Variants in TEAD1 observed in about 807,000 individuals in gnomAD.
TEAD1 encodes TEA domain transcription factor 1.
A neutral mutation model predicts 54.9 loss-of-function variants in TEAD1; 9 were observed. The ratio of observed to expected loss-of-function variants is 0.16; its 90% CI spans 0.10 to 0.29. The LOEUF (loss-of-function observed/expected upper bound fraction) is 0.29. Among genes scored for constraint, TEAD1 ranks in the 10% least tolerant of loss-of-function variants. TEAD1 has a pLI of 1.00. For missense variants in TEAD1, 387 were observed against 535.9 expected, an observed-to-expected ratio of 0.72 and a Z score of 2.74; for synonymous variants, 200 against 187.8, an observed-to-expected ratio of 1.07 and a Z score of -0.53.
At chr11:12,719,949 GTTTTTTTTTTTTTT>G (rs1200965763) in intron 2 of TEAD1, among the ~76,000 whole-genome samples, 2 of 40,010 alleles carry the variant, frequency 5.0e-5, no homozygotes, top group Admixed American at 4.5e-4. Context: ...GAAATCTAAT[GTTTTTTTTTTTTTT>G]TTTTTTTTTT....
At position 12,702,749 on chromosome 11, in the gene TEAD1, G is replaced by T. The variant is rs146117010; in HGVS notation, c.-55+27188G>T. Among the ~76,000 whole-genome samples, 708 of 152,184 alleles carry T rather than the reference G, an allele frequency of 4.7e-3. 2 individuals are homozygous for T. Among genetic ancestry groups the T allele is most frequent in the South Asian group, 8.5e-3 (41 of 4,822 alleles). Reference sequence around the variant, plus strand: ...CCGGATTACTCTGGCAGCCTCTCAGGTAATCTTCCAATGCCATTGTGTCTC... The same window carrying T: ...CCGGATTACTCTGGCAGCCTCTCAGTTAATCTTCCAATGCCATTGTGTCTC... On this transcript the variant is annotated intron_variant, in intron 2 of 12. Transcript: ENST00000527636.
At chr11:12,798,671 A>C (rs1945987731) in intron 3 of TEAD1, among the ~76,000 whole-genome samples, 1 of 152,264 alleles carries the variant, frequency 6.6e-6, no homozygotes, top group Non-Finnish European at 1.5e-5. Flanking sequence ...TCTCATCTGT[A>C]ATTACCAATG....
chr11:12,796,287 C>T (rs1945919389), intron 3 of TEAD1, among the ~76,000 whole-genome samples: 2 of 152,152 alleles, frequency 1.3e-5, no homozygotes, highest in South Asian at 2.1e-4. Context: ...GCAGTCAGTG[C>T]TTGTTGAATT....
chr11:12,796,806 G>T (rs992416042), intron 3 of TEAD1, among the ~76,000 whole-genome samples: 7 of 151,708 alleles, frequency 4.6e-5, no homozygotes, highest in Admixed American at 2.6e-4. Flanking sequence ...TAAAGTGGGA[G>T]CACCCCTTAA....
chr11:12,871,873 G>A (rs567108720), intron 5 of TEAD1, among the ~76,000 whole-genome samples: 3 of 152,272 alleles, frequency 2.0e-5, no homozygotes, highest in South Asian at 4.2e-4. Flanking sequence ...CTCTGGATGT[G>A]TATTGAAGAA....
intron 2 of TEAD1, among the ~76,000 whole-genome samples, chr11:12,725,493 A>G (rs1214928462): frequency 3.3e-5 from 5 of 152,238 alleles, no homozygotes. Flanking sequence ...AACACATAAT[A>G]ATGATAAATG....
chr11:12,896,875 ATG>A (rs1158764126), intron 9 of TEAD1, among the ~76,000 whole-genome samples: 2 of 152,208 alleles, frequency 1.3e-5, no homozygotes, highest in Non-Finnish European at 2.9e-5. Context: ...CCTGGCATGT[ATG>A]ATGGATGATA....
At chr11:12,733,313 C>A (rs568108620) in intron 2 of TEAD1, among the ~76,000 whole-genome samples, 142 of 152,294 alleles carry the variant, frequency 9.3e-4, no homozygotes, top group African/African-American at 3.2e-3. Flanking sequence ...AGAGCAGGAG[C>A]CTGAGTGTTT....
intron 3 of TEAD1, among the ~76,000 whole-genome samples, chr11:12,784,012 C>T (rs192990401): frequency 1.6e-4 from 25 of 152,138 alleles, no homozygotes; most frequent in Middle Eastern, 3.4e-3. Context: ...GCTCTATCTC[C>T]CATAAGGAGG....
chr11:12,886,179 T>C (rs1222761946), intron 9 of TEAD1, among the ~76,000 whole-genome samples: 2 of 152,228 alleles, frequency 1.3e-5, no homozygotes, highest in East Asian at 3.8e-4. Flanking sequence ...GTATATTAAA[T>C]CAGTGACTAT....
In TEAD1 at chr11:12,784,476, G is replaced by A. The variant is rs540811443; in HGVS notation, c.202+20042G>A. Among the ~76,000 whole-genome samples the A allele has an allele frequency of 1.3e-3, 197 of 152,314 alleles. 1 individual carries two copies. Among genetic ancestry groups the A allele is most frequent in the African/African-American group, 4.6e-3 (190 of 41,566 alleles). On this transcript the variant is annotated intron_variant, in intron 3 of 12. Transcript: ENST00000527636. ...GTCTAGGAGACAGAGGGAAAGGACA[G>A]AAAGGAAGAAAGGCTAGGATAGAAT... is the stretch of plus-strand genomic sequence containing the variant.
intron 2 of TEAD1, among the ~76,000 whole-genome samples, chr11:12,737,758 A>T (rs572620151): frequency 6.6e-6 from 1 of 152,218 alleles, no homozygotes; most frequent in South Asian, 2.1e-4. Context: ...CTTTTCTCCT[A>T]TGTGAAACAT....
At chr11:12,902,949 A>G (rs767885128) in intron 10 of TEAD1, among the ~76,000 whole-genome samples, 27 of 152,068 alleles carry the variant, frequency 1.8e-4, no homozygotes, top group Non-Finnish European at 2.4e-4. Context: ...TGAGCAGACC[A>G]TTGATTTCTC....
At chr11:12,877,144 A>G (rs569488349) in intron 5 of TEAD1, among the ~76,000 whole-genome samples, 1 of 152,318 alleles carries the variant, frequency 6.6e-6, no homozygotes, top group African/African-American at 2.4e-5. Context: ...GCCATCTGAT[A>G]AGAAGGAGAT....
chr11:12,754,025 C>G (rs980450925), intron 2 of TEAD1, among the ~76,000 whole-genome samples: 1 of 152,156 alleles, frequency 6.6e-6, no homozygotes, highest in African/African-American at 2.4e-5. Flanking sequence ...ACTTTTGTTA[C>G]AAATCAAGTG....
At chr11:12,722,712 G>GA (rs928735257) in intron 2 of TEAD1, among the ~76,000 whole-genome samples, 5 of 151,172 alleles carry the variant, frequency 3.3e-5, no homozygotes, top group Admixed American at 1.3e-4. Flanking sequence ...ACAAAAGAGG[G>GA]AAAAAATTCA....
In TEAD1 at chr11:12,943,438, T is replaced by G. The variant is rs1326632881; in HGVS notation, c.*6216T>G. ...TTAAAATTTATTGCATTGCAAAGGG[T>G]AGTTTCACTGAAGTCATGCACCATT... On this transcript the variant is annotated 3_prime_UTR_variant, in exon 13 of 13. Coordinates refer to ENST00000527636, the MANE Select transcript of TEAD1 (RefSeq NM_021961.6). 6.5e-6 allele frequency: 1 copy of G among 152,796 alleles called. No homozygotes were observed. The highest frequency in any genetic ancestry group is 1.5e-5 in the Non-Finnish European group (1 of 68,040). The allele number at this position is 152,796 out of a possible 1,614,324, so 9.5% of individuals were successfully genotyped here.
At chr11:12,783,033 A>ACTTTT (rs1394899511) in intron 3 of TEAD1, among the ~76,000 whole-genome samples, 1 of 151,942 alleles carries the variant, frequency 6.6e-6, no homozygotes, top group East Asian at 1.9e-4. Flanking sequence ...ACAAAAGAGT[A>ACTTTT]ATCACCGTCA....
intron 2 of TEAD1, among the ~76,000 whole-genome samples, chr11:12,694,543 C>T (rs757259013): frequency 2.6e-5 from 4 of 152,034 alleles, no homozygotes; most frequent in Non-Finnish European, 5.9e-5. Flanking sequence ...TGCTGTGACT[C>T]GTATTTATTT....
Sources: allele counts gnomAD v4.1 joint callset (sites outside exome capture counted in the v4.1 genomes callset), GRCh38; gene constraint gnomAD v4.1.1; transcripts MANE v1.5; gene names NCBI Gene and HGNC (gene_info 2026-07-23, HGNC 2026-07-21).